MALRD1: variants seen among roughly 807,000 people sequenced by gnomAD.
MALRD1 encodes the protein MAM and LDL receptor class A domain containing 1.
MALRD1 carries 247 observed loss-of-function variants against 242.1 expected under a neutral mutation model. The observed-to-expected ratio is 1.02, with a 90% CI of 0.92 to 1.13. MALRD1 has a LOEUF of 1.13. Among genes scored for constraint, MALRD1 ranks in the 50% most tolerant of loss-of-function variants. The pLI, the probability that MALRD1 is intolerant of heterozygous loss-of-function variation, is 0.00. For synonymous variants in MALRD1, 995 were observed against 866.6 expected, an observed-to-expected ratio of 1.15 and a Z score of -2.60; for missense variants, 2,989 against 2,533.1, an observed-to-expected ratio of 1.18 and a Z score of -3.86.
chr10:19,116,891 C>T (rs1046302984), intron 5 of MALRD1, among the ~76,000 whole-genome samples: 15 of 151,980 alleles, frequency 9.9e-5, no homozygotes, highest in African/African-American at 3.6e-4. Flanking sequence ...GAGTTCGAGA[C>T]CAGCCTCAAC....
In MALRD1 at chr10:19,203,863, G is replaced by C. The variant is rs1836661291; in HGVS notation, c.2087G>C (p.Ser696Thr). Residue 696 changes from serine (S) to threonine (T), a missense_variant, in exon 15 of 40, where the codon AGT (serine) becomes ACT (threonine). By Grantham distance (58) the Ser-to-Thr change is moderately conservative (BLOSUM62 1). Transcript: ENST00000454679. ...FEHQAPPRDH[S>T]LNASQGHFMF... ...CACCAGGCTCCACCTCGGGATCATA[G>C]TCTCAACGCATCTCAAGGTAAGAAG... 1 of 1,550,476 alleles carries C rather than the reference G, an allele frequency of 6.4e-7. No homozygotes were observed.
intron 26 of MALRD1, among the ~76,000 whole-genome samples, chr10:19,385,450 T>G (rs932083431): frequency 2.6e-5 from 4 of 152,056 alleles, no homozygotes; most frequent in Non-Finnish European, 5.9e-5. Flanking sequence ...ATTTTCTGTT[T>G]CTTATGATTC....
At position 19,124,514 on chromosome 10, in the gene MALRD1, T is replaced by C. The variant is rs1837182322; in HGVS notation, c.797-10T>C. The C allele has an allele frequency of 2.4e-6, 3 of 1,233,644 alleles. No homozygotes were observed. The highest frequency in any genetic ancestry group is 3.0e-6 in the Non-Finnish European group (3 of 988,070). 76.4% of individuals were successfully genotyped at this position (1,233,644 alleles called of 1,614,324 possible). Reference sequence around the variant, plus strand: ...CTAATAGTCCACCAAGATCTTTTTCTCCCGTTTAGTGTGTCAGGCCTGTGG... The same window carrying C: ...CTAATAGTCCACCAAGATCTTTTTCCCCCGTTTAGTGTGTCAGGCCTGTGG... On this transcript the variant is annotated splice_polypyrimidine_tract_variant and intron_variant, in intron 6 of 39. Transcript: ENST00000454679.
chr10:19,450,724 C>T (rs1342417146), intron 29 of MALRD1, among the ~76,000 whole-genome samples: 5 of 152,116 alleles, frequency 3.3e-5, no homozygotes, highest in Non-Finnish European at 7.4e-5. Flanking sequence ...ATATAAACAA[C>T]AGAAATTTTT....
At chr10:19,429,413 A>G (rs1176625216) in intron 28 of MALRD1, among the ~76,000 whole-genome samples, 1 of 151,794 alleles carries the variant, frequency 6.6e-6, no homozygotes, top group East Asian at 1.9e-4. Flanking sequence ...AAAATACAAA[A>G]ATGAGCCGGG....
chr10:19,315,116 T>C (rs1842598268), intron 21 of MALRD1, among the ~76,000 whole-genome samples: 1 of 139,420 alleles, frequency 7.2e-6, no homozygotes, highest in African/African-American at 2.6e-5. Flanking sequence ...TAGAAATATG[T>C]AAATATAATT....
chr10:19,628,970 G>C (rs1001369215), intron 36 of MALRD1, among the ~76,000 whole-genome samples: 10 of 152,106 alleles, frequency 6.6e-5, no homozygotes, highest in African/African-American at 2.2e-4. Context: ...CCAGGAATGT[G>C]ATTGAAGGTG....
intron 18 of MALRD1, among the ~76,000 whole-genome samples, chr10:19,250,155 G>T (rs988155247): frequency 1.3e-5 from 2 of 151,860 alleles, no homozygotes; most frequent in African/African-American, 4.8e-5. Flanking sequence ...ATTTAATTTT[G>T]GCATGTGTGA....
chr10:19,711,495 T>C (rs1014563462), intron 38 of MALRD1, among the ~76,000 whole-genome samples: 1 of 152,254 alleles, frequency 6.6e-6, no homozygotes, highest in East Asian at 1.9e-4. Context: ...ATCAAACATA[T>C]ACAATCACTT....
At chr10:19,697,858 C>T (rs1833448841) in intron 38 of MALRD1, among the ~76,000 whole-genome samples, 2 of 152,124 alleles carry the variant, frequency 1.3e-5, no homozygotes, top group Non-Finnish European at 2.9e-5. Context: ...TTCTCTTAAC[C>T]TCAATTTTTC....
chr10:19,675,036 A>G (rs1842080462), intron 36 of MALRD1, among the ~76,000 whole-genome samples: 1 of 152,116 alleles, frequency 6.6e-6, no homozygotes, highest in Non-Finnish European at 1.5e-5. Flanking sequence ...ACAAAGAGGG[A>G]AAAGAAGAAC....
intron 18 of MALRD1, among the ~76,000 whole-genome samples, chr10:19,220,326 G>A (rs1172816035): frequency 6.6e-6 from 1 of 152,126 alleles, no homozygotes; most frequent in African/African-American, 2.4e-5. Flanking sequence ...ACTTGTAGAG[G>A]CTGTTGAATG....
intron 1 of MALRD1, among the ~76,000 whole-genome samples, chr10:19,058,773 C>T (rs953773565): frequency 1.3e-5 from 2 of 151,904 alleles, no homozygotes; most frequent in Admixed American, 6.6e-5. Flanking sequence ...TTATCAACTT[C>T]ACTATTAATT....
At chr10:19,491,447 C>T (rs1000287623) in intron 29 of MALRD1, 70 bp from the exon 30 acceptor site, 1 of 1,503,566 alleles carries the variant, frequency 6.7e-7, no homozygotes, top group African/African-American at 1.4e-5. Flanking sequence ...TATAAAATAC[C>T]TAACAGGAAT....
chr10:19,347,539 T>G (rs1037894197), intron 24 of MALRD1, among the ~76,000 whole-genome samples: 1 of 146,532 alleles, frequency 6.8e-6, no homozygotes, highest in Non-Finnish European at 1.5e-5. Flanking sequence ...TAAAACAGTT[T>G]ATCAGTTTTG....
At chr10:19,352,508 A>G (rs1375301076) in intron 26 of MALRD1, among the ~76,000 whole-genome samples, 1 of 152,076 alleles carries the variant, frequency 6.6e-6, no homozygotes, top group Non-Finnish European at 1.5e-5. Flanking sequence ...TGGTCTGTTT[A>G]TCAGTTCCTG....
chr10:19,392,192 AC>A (rs934120672), intron 28 of MALRD1, among the ~76,000 whole-genome samples: 1 of 152,064 alleles, frequency 6.6e-6, no homozygotes, highest in Non-Finnish European at 1.5e-5. Flanking sequence ...TTCTTAACAC[AC>A]CCCTCTGAGT....
At chr10:19,556,471 A>T (rs73595841) in intron 32 of MALRD1, among the ~76,000 whole-genome samples, 1 of 151,892 alleles carries the variant, frequency 6.6e-6, no homozygotes, top group Non-Finnish European at 1.5e-5. Flanking sequence ...TACTGTCTCC[A>T]TAGTTTTACC....
At chr10:19,303,492 A>C (rs944823667) in intron 21 of MALRD1, among the ~76,000 whole-genome samples, 1 of 151,754 alleles carries the variant, frequency 6.6e-6, no homozygotes, top group Non-Finnish European at 1.5e-5. Context: ...TAGACAAAAC[A>C]GTAAATACAT....
Sources: gnomAD v4.1 joint callset for allele counts (sites outside exome capture counted in the v4.1 genomes callset) on GRCh38, gnomAD v4.1.1 for gene constraint, MANE v1.5 for transcripts, NCBI Gene and HGNC (gene_info 2026-07-23, HGNC 2026-07-21) for gene names.